Variants in BMAL2 observed in about 807,000 individuals in gnomAD.
BMAL2 encodes basic helix-loop-helix ARNT like 2.
the BMAL2 span, chr12:27,332,958 C>T: frequency 1.7e-5 from 14 of 832,540 alleles, no homozygotes; most frequent in Middle Eastern, 4.7e-4. Context: ...CGGCAGGGCC[C>T]GCCAGTCCCC....
the BMAL2 span, among the ~76,000 whole-genome samples, chr12:27,333,995 GA>G: frequency 6.6e-6 from 1 of 152,226 alleles, no homozygotes; most frequent in Non-Finnish European, 1.5e-5. Flanking sequence ...GACTGGCAGA[GA>G]AGTTCAGGGA....
the BMAL2 span, among the ~76,000 whole-genome samples, chr12:27,361,409 G>A: frequency 1.3e-5 from 2 of 152,068 alleles, no homozygotes; most frequent in South Asian, 2.1e-4. Context: ...TTGTAAAAAG[G>A]CAATCACGAT....
chr12:27,412,878 A>G, the BMAL2 span, among the ~76,000 whole-genome samples: 2 of 152,176 alleles, frequency 1.3e-5, no homozygotes, highest in Non-Finnish European at 2.9e-5. Flanking sequence ...GGATTTTGAA[A>G]GCATGAAGAG....
chr12:27,382,724 G>A, the BMAL2 span, among the ~76,000 whole-genome samples: 2 of 152,326 alleles, frequency 1.3e-5, no homozygotes, highest in African/African-American at 2.4e-5. Flanking sequence ...CAGATCAACA[G>A]AGGGCTGCCT....
the BMAL2 span, among the ~76,000 whole-genome samples, chr12:27,341,666 A>G: frequency 2.6e-5 from 4 of 152,182 alleles, no homozygotes; most frequent in Non-Finnish European, 4.4e-5. Flanking sequence ...TACCATCCCC[A>G]TCACTCTGTG....
chr12:27,367,076 G>C, the BMAL2 span, among the ~76,000 whole-genome samples: 1 of 152,114 alleles, frequency 6.6e-6, no homozygotes, highest in African/African-American at 2.4e-5. Context: ...TATAAATTCA[G>C]CATAGTAAGA....
chr12:27,404,211 A>G, the BMAL2 span, among the ~76,000 whole-genome samples: 1 of 131,896 alleles, frequency 7.6e-6, no homozygotes, highest in African/African-American at 2.9e-5. Flanking sequence ...AAATACCACC[A>G]TGCATTTTTT....
At chr12:27,363,406 CAA>C in the BMAL2 span, among the ~76,000 whole-genome samples, 1 of 152,264 alleles carries the variant, frequency 6.6e-6, no homozygotes, top group East Asian at 1.9e-4. Flanking sequence ...AAATGGTTTC[CAA>C]AGTGGCTGTA....
chr12:27,422,128 C>A, the BMAL2 span: 2 of 152,138 alleles, frequency 1.3e-5, no homozygotes, highest in Non-Finnish European at 2.9e-5. Flanking sequence ...TACTGCATGT[C>A]TACCTTCTCG....
the BMAL2 span, among the ~76,000 whole-genome samples, chr12:27,411,786 C>G: frequency 6.6e-6 from 1 of 152,074 alleles, no homozygotes; most frequent in African/African-American, 2.4e-5. Flanking sequence ...TTCTCTCAGT[C>G]TTTGGGTTGC....
At chr12:27,384,614 C>T in the BMAL2 span, among the ~76,000 whole-genome samples, 1 of 152,154 alleles carries the variant, frequency 6.6e-6, no homozygotes, top group African/African-American at 2.4e-5. Flanking sequence ...ATGCCTGAAA[C>T]CGTGGGTAGT....
chr12:27,367,814 ATG>A, the BMAL2 span, among the ~76,000 whole-genome samples: 17 of 70,732 alleles, frequency 2.4e-4, no homozygotes, highest in South Asian at 1.3e-3. Context: ...TATAGATATA[ATG>A]TGTGTGTGTG....
chr12:27,337,504 G>A, the BMAL2 span, among the ~76,000 whole-genome samples: 6,765 of 152,174 alleles, frequency 0.044, 433 homozygotes, highest in East Asian at 0.34. Flanking sequence ...CCCACCTCCA[G>A]GCCTTTCCTC....
chr12:27,362,398 G>C, the BMAL2 span, among the ~76,000 whole-genome samples: 7,047 of 152,208 alleles, frequency 0.046, 543 homozygotes, highest in African/African-American at 0.16. Flanking sequence ...AGTGCCTCAC[G>C]ATCACTGGTA....
chr12:27,363,432 T>C, the BMAL2 span, among the ~76,000 whole-genome samples: 6,823 of 152,308 alleles, frequency 0.045, 165 homozygotes, highest in Non-Finnish European at 0.061. Context: ...ACTTACATGC[T>C]TGCCAGCAGA....
the BMAL2 span, chr12:27,403,512 T>C: frequency 6.2e-7 from 1 of 1,605,494 alleles, no homozygotes; most frequent in Non-Finnish European, 8.5e-7. Flanking sequence ...TTGGAACAGA[T>C]ATTGCAAATG....
At chr12:27,354,273 C>G in the BMAL2 span, among the ~76,000 whole-genome samples, 1 of 152,096 alleles carries the variant, frequency 6.6e-6, no homozygotes, top group Non-Finnish European at 1.5e-5. Flanking sequence ...TGCAGCAACA[C>G]GGATGGAGCT....
chr12:27,415,899 G>A, the BMAL2 span: 5 of 1,608,018 alleles, frequency 3.1e-6, no homozygotes, highest in East Asian at 2.2e-5. Flanking sequence ...TTGATGATTC[G>A]AGTCCAACAG....
At chr12:27,385,392 A>G in the BMAL2 span, 1 of 732,586 alleles carries the variant, frequency 1.4e-6, no homozygotes, top group Non-Finnish European at 2.3e-6. Context: ...CAAAGAGCAA[A>G]TACCAGCAGC....
Sources: allele counts gnomAD v4.1 joint callset (sites outside exome capture counted in the v4.1 genomes callset), GRCh38; gene constraint gnomAD v4.1.1; transcripts MANE v1.5; gene names NCBI Gene and HGNC (gene_info 2026-07-23, HGNC 2026-07-21).